KIAA1328: variants seen among roughly 807,000 people sequenced by gnomAD.
The protein encoded by KIAA1328 is protein hinderin.
Under a neutral mutation model 68.1 loss-of-function variants are expected in KIAA1328, and 52 were observed. That is an observed-to-expected ratio of 0.76 (90% CI 0.61 to 0.96). The LOEUF (loss-of-function observed/expected upper bound fraction) is 0.96. Ranked by LOEUF, KIAA1328 falls within the 40% of genes least tolerant of loss-of-function variation. The pLI is 0.00. For missense variants in KIAA1328, 641 were observed against 677.6 expected, an observed-to-expected ratio of 0.95 and a Z score of 0.60; for synonymous variants, 232 against 239.4, an observed-to-expected ratio of 0.97 and a Z score of 0.28.
At chr18:37,167,309 C>G (rs920474088) in intron 8 of KIAA1328, among the ~76,000 whole-genome samples, 45 of 152,288 alleles carry the variant, frequency 3.0e-4, no homozygotes, top group Non-Finnish European at 1.8e-4. Context: ...ATTAGACCCT[C>G]TACCTGTTGC....
At chr18:37,025,811 G>A (rs1013849291) in intron 6 of KIAA1328, among the ~76,000 whole-genome samples, 6 of 152,138 alleles carry the variant, frequency 3.9e-5, no homozygotes, top group African/African-American at 1.4e-4. Context: ...GCAATTAAAA[G>A]AACTAGAGAA....
chr18:37,140,155 C>T (rs1460876706), intron 7 of KIAA1328, among the ~76,000 whole-genome samples: 1 of 152,052 alleles, frequency 6.6e-6, no homozygotes, highest in Admixed American at 6.5e-5. Context: ...TTAAATTATT[C>T]AAGTCTCAGA....
chr18:37,143,521 C>CTTTTTTTTTTTTTTTTTT lies in KIAA1328; in HGVS notation c.1233-16674_1233-16657dup, dbSNP rs57046567. Among the ~76,000 whole-genome samples the CTTTTTTTTTTTTTTTTTT allele has an allele frequency of 4.5e-3, 405 of 90,766 alleles. 1 individual carries two copies. Among genetic ancestry groups the CTTTTTTTTTTTTTTTTTT allele is most frequent in the East Asian group, 5.6e-3 (15 of 2,668 alleles). 59.5% of individuals were successfully genotyped at this position (90,766 alleles called of 152,430 possible). A position where few individuals can be genotyped will look rare whatever the true frequency, so the allele number is the denominator to read the frequency against. ...CCAAGCTTTATGCCTTTTTTTCTTT[C>CTTTTTTTTTTTTTTTTTT]TTTTTTTTTTTTTTTTTTTTTTGCT... On this transcript the variant is annotated intron_variant, in intron 7 of 9. Coordinates refer to ENST00000280020, the MANE Select transcript of KIAA1328 (RefSeq NM_020776.3).
intron 6 of KIAA1328, among the ~76,000 whole-genome samples, chr18:37,009,870 C>T (rs1002863400): frequency 7.9e-5 from 12 of 152,094 alleles, no homozygotes; most frequent in Non-Finnish European, 1.5e-4. Flanking sequence ...AATACCTGTA[C>T]CTAATTTGTT....
At chr18:36,983,444 T>C (rs2052777837) in intron 6 of KIAA1328, among the ~76,000 whole-genome samples, 1 of 151,950 alleles carries the variant, frequency 6.6e-6, no homozygotes, top group Admixed American at 6.6e-5. Flanking sequence ...AGCCAACTAA[T>C]CCACAATTAT....
intron 5 of KIAA1328, among the ~76,000 whole-genome samples, chr18:36,888,643 T>A (rs920903587): frequency 5.9e-5 from 9 of 152,196 alleles, no homozygotes; most frequent in Non-Finnish European, 7.4e-5. Context: ...ATGATTTTTT[T>A]AAATGACATT....
chr18:37,008,045 T>C (rs777761638), intron 6 of KIAA1328, among the ~76,000 whole-genome samples: 10 of 152,160 alleles, frequency 6.6e-5, no homozygotes, highest in Non-Finnish European at 1.5e-4. Context: ...AGGAACCAAG[T>C]AAATGAGCTT....
intron 6 of KIAA1328, among the ~76,000 whole-genome samples, chr18:36,976,637 GATT>G (rs2052483773): frequency 6.6e-6 from 1 of 151,734 alleles, no homozygotes; most frequent in Admixed American, 6.6e-5. Context: ...GTTGTTTATA[GATT>G]ATATTATATT....
At chr18:36,945,058 G>A (rs1049092403) in intron 5 of KIAA1328, among the ~76,000 whole-genome samples, 3 of 152,158 alleles carry the variant, frequency 2.0e-5, no homozygotes, top group Admixed American at 6.5e-5. Flanking sequence ...ATGGACAGTA[G>A]CAAAAAGCTT....
intron 6 of KIAA1328, among the ~76,000 whole-genome samples, chr18:37,010,963 G>A (rs1382076654): frequency 6.6e-6 from 1 of 151,984 alleles, no homozygotes; most frequent in East Asian, 1.9e-4. Flanking sequence ...AAAATTTTTT[G>A]GTTATATGCA....
At chr18:36,834,560 A>G (rs937333132) in intron 2 of KIAA1328, among the ~76,000 whole-genome samples, 2 of 152,226 alleles carry the variant, frequency 1.3e-5, no homozygotes, top group Admixed American at 1.3e-4. Context: ...GGCTGGCCCA[A>G]TCAGCTTTTA....
chr18:37,175,873 A>C (rs1321309388), intron 9 of KIAA1328, among the ~76,000 whole-genome samples: 1 of 152,190 alleles, frequency 6.6e-6, no homozygotes, highest in Admixed American at 6.5e-5. Context: ...AAGACCTGCA[A>C]ACAAGGATGG....
chr18:36,851,099 T>G (rs2047198501), intron 4 of KIAA1328, among the ~76,000 whole-genome samples: 1 of 152,182 alleles, frequency 6.6e-6, no homozygotes, highest in Non-Finnish European at 1.5e-5. Context: ...TCTGCTAATA[T>G]GCTGTATTAC....
At chr18:37,105,349 G>T (rs754722176) in intron 7 of KIAA1328, among the ~76,000 whole-genome samples, 1 of 151,922 alleles carries the variant, frequency 6.6e-6, no homozygotes, top group Non-Finnish European at 1.5e-5. Context: ...AATTTAGCTG[G>T]GTGTGGTGGT....
intron 4 of KIAA1328, 136 bp downstream of exon 4, chr18:36,844,438 C>G (rs553875228): frequency 2.5e-4 from 128 of 504,670 alleles, no homozygotes; most frequent in Non-Finnish European, 3.9e-4. Context: ...AAAAGACATT[C>G]TGTGATGTCA....
chr18:36,829,587 GCT>G, intron 1 of KIAA1328: 1 of 371,892 alleles, frequency 2.7e-6, no homozygotes, highest in Non-Finnish European at 4.0e-6. Context: ...GTCGGTGTTG[GCT>G]GGACAGGGAG....
intron 7 of KIAA1328, among the ~76,000 whole-genome samples, chr18:37,078,619 A>C (rs2056835265): frequency 6.8e-6 from 1 of 146,728 alleles, no homozygotes; most frequent in Non-Finnish European, 1.5e-5. Flanking sequence ...CAATGAACTC[A>C]AACAAATTTA....
At chr18:37,136,311 T>C (rs905315759) in intron 7 of KIAA1328, among the ~76,000 whole-genome samples, 2 of 152,196 alleles carry the variant, frequency 1.3e-5, no homozygotes, top group African/African-American at 4.8e-5. Context: ...ATTGGACTAC[T>C]CTCAGTTCTA....
At chr18:37,017,922 C>G (rs2054209023) in intron 6 of KIAA1328, among the ~76,000 whole-genome samples, 1 of 152,134 alleles carries the variant, frequency 6.6e-6, no homozygotes, top group Non-Finnish European at 1.5e-5. Flanking sequence ...AACTTTGTCA[C>G]TCTGTGCCTT....
Sources: allele counts gnomAD v4.1 joint callset (sites outside exome capture counted in the v4.1 genomes callset), GRCh38; gene constraint gnomAD v4.1.1; transcripts MANE v1.5; gene names NCBI Gene and HGNC (gene_info 2026-07-23, HGNC 2026-07-21).